The following RBMS1 variants were observed in gnomAD, a reference collection of about 807,000 sequenced individuals.
RBMS1 encodes the protein RNA binding motif single stranded interacting protein 1, also known as RNA-binding motif, single-stranded-interacting protein 1.
In RBMS1, 17 loss-of-function variants were observed where a neutral mutation model predicts 62.3. The observed-to-expected ratio is 0.27, with a 90% CI of 0.19 to 0.41. The LOEUF is 0.41. Ranked by LOEUF, RBMS1 falls within the 10% of genes least tolerant of loss-of-function variation. The pLI, the probability that RBMS1 is intolerant of heterozygous loss-of-function variation, is 1.00. For synonymous variants in RBMS1, 172 were observed against 170.0 expected (o/e 1.01, Z -0.09); for missense variants, 334 against 504.5 (o/e 0.66, Z 3.24).
At chr2:160,394,729 A>G (rs1035028590) in intron 1 of RBMS1, among the ~76,000 whole-genome samples, 17 of 152,224 alleles carry the variant, frequency 1.1e-4, no homozygotes, top group African/African-American at 2.2e-4. Context: ...CATAAAAGCA[A>G]TTCTGAAGTT....
chr2:160,460,145 G>A (rs1684402193), intron 1 of RBMS1, among the ~76,000 whole-genome samples: 3 of 152,186 alleles, frequency 2.0e-5, no homozygotes. Context: ...AGGCAATCAA[G>A]GTGAATGCCC....
At position 160,454,220 on chromosome 2, in the gene RBMS1, T is replaced by C. The variant is rs981607260; in HGVS notation, c.75+39069A>G. 6.6e-5 allele frequency among the ~76,000 whole-genome samples: 10 copies of C among 152,218 alleles called. 1 individual carries two copies. Among genetic ancestry groups the C allele is most frequent in the Admixed American group, 6.5e-4 (10 of 15,280 alleles). On this transcript the variant is annotated intron_variant, in intron 1 of 13. Coordinates refer to ENST00000348849, the MANE Select transcript of RBMS1 (RefSeq NM_016836.4). Reference sequence around the variant, plus strand: ...CTCATGAGAGGTAGACTGTTTAAACTAGACATAGAAAGGATGCAAGGACAA... The same window carrying C: ...CTCATGAGAGGTAGACTGTTTAAACCAGACATAGAAAGGATGCAAGGACAA...
intron 2 of RBMS1, among the ~76,000 whole-genome samples, chr2:160,353,191 TA>T (rs1342452118): frequency 6.6e-6 from 1 of 152,132 alleles, no homozygotes; most frequent in Non-Finnish European, 1.5e-5. Flanking sequence ...AATTTGTACT[TA>T]TAAAGCATAT....
At chr2:160,290,106 G>T (rs1688605346) in intron 6 of RBMS1, among the ~76,000 whole-genome samples, 1 of 140,324 alleles carries the variant, frequency 7.1e-6, no homozygotes. Context: ...CATTTGGCCA[G>T]CATCTCCTGT....
intron 2 of RBMS1, among the ~76,000 whole-genome samples, chr2:160,356,459 T>G (rs555688917): frequency 6.6e-6 from 1 of 152,022 alleles, no homozygotes; most frequent in Non-Finnish European, 1.5e-5. Flanking sequence ...AGGGTGCTGA[T>G]GAGGTAAAGA....
intron 1 of RBMS1, among the ~76,000 whole-genome samples, chr2:160,446,796 C>A (rs1683671042): frequency 6.6e-6 from 1 of 152,204 alleles, no homozygotes; most frequent in Admixed American, 6.5e-5. Context: ...GTTGACAGGG[C>A]TTTCCTCTCC....
At chr2:160,292,610 A>C (rs1227551765) in intron 6 of RBMS1, among the ~76,000 whole-genome samples, 2 of 152,246 alleles carry the variant, frequency 1.3e-5, no homozygotes, top group Non-Finnish European at 2.9e-5. Context: ...AATGTCTTTT[A>C]GAAAACTGTT....
chr2:160,419,493 C>T (rs1003721674), intron 1 of RBMS1, among the ~76,000 whole-genome samples: 1 of 152,148 alleles, frequency 6.6e-6, no homozygotes, highest in Non-Finnish European at 1.5e-5. Context: ...TCATATCATT[C>T]GTTTCATTCT....
intron 1 of RBMS1, among the ~76,000 whole-genome samples, chr2:160,462,294 C>T (rs1361501195): frequency 6.6e-6 from 1 of 152,200 alleles, no homozygotes; most frequent in Non-Finnish European, 1.5e-5. Flanking sequence ...TATAAGGACA[C>T]AATGCCTGCC....
chr2:160,405,353 G>A (rs762973569), intron 1 of RBMS1, among the ~76,000 whole-genome samples: 36 of 151,386 alleles, frequency 2.4e-4, no homozygotes, highest in African/African-American at 8.5e-4. Flanking sequence ...CCTAAAATCT[G>A]CCAATTCTTT....
In RBMS1 at chr2:160,438,991, G is replaced by A. The variant is rs1350568258; in HGVS notation, c.75+54298C>T. Among the ~76,000 whole-genome samples the A allele has an allele frequency of 6.5e-4, 96 of 148,782 alleles. 1 individual carries two copies. The highest frequency in any genetic ancestry group is 2.0e-3 in the African/African-American group (81 of 40,224). Reference sequence around the variant, plus strand: ...GGGCAGAGGCGCCCCTCACCTCCCGGACGGGGCGGCTGGCCAGGCGGGGGG... The same window carrying A: ...GGGCAGAGGCGCCCCTCACCTCCCGAACGGGGCGGCTGGCCAGGCGGGGGG... On this transcript the variant is annotated intron_variant, in intron 1 of 13. Coordinates refer to ENST00000348849, the MANE Select transcript of RBMS1 (RefSeq NM_016836.4).
intron 13 of RBMS1, 129 bp downstream of exon 13, chr2:160,275,501 A>C: frequency 7.1e-7 from 1 of 1,413,336 alleles, no homozygotes; most frequent in South Asian, 1.8e-5. Context: ...ACAAGACTAG[A>C]TGCCTTGGCC....
chr2:160,477,358 CA>C (rs200712687), intron 1 of RBMS1, among the ~76,000 whole-genome samples: 2 of 151,608 alleles, frequency 1.3e-5, no homozygotes, highest in South Asian at 2.1e-4. Context: ...ACAACAACAA[CA>C]AAAAAAAATT....
At chr2:160,340,008 C>T (rs763914365) in intron 2 of RBMS1, among the ~76,000 whole-genome samples, 24 of 152,126 alleles carry the variant, frequency 1.6e-4, no homozygotes, top group Non-Finnish European at 2.8e-4. Context: ...TTGTGTAGAC[C>T]TTAAAGGATC....
At chr2:160,399,525 CTTTTTT>C (rs33978215) in intron 1 of RBMS1, among the ~76,000 whole-genome samples, 101 of 149,464 alleles carry the variant, frequency 6.8e-4, no homozygotes, top group Non-Finnish European at 1.4e-3. Context: ...TTCCTGTATG[CTTTTTT>C]TTTTTTTAAA....
chr2:160,367,688 G>C (rs944695902), intron 1 of RBMS1, among the ~76,000 whole-genome samples: 8 of 152,068 alleles, frequency 5.3e-5, no homozygotes, highest in African/African-American at 1.9e-4. Flanking sequence ...GACTCAAAAC[G>C]TGCATGAAGT....
chr2:160,305,370 A>G (rs532712112), intron 4 of RBMS1, among the ~76,000 whole-genome samples: 23 of 152,228 alleles, frequency 1.5e-4, no homozygotes, highest in Admixed American at 7.2e-4. Flanking sequence ...TACCTTTTCT[A>G]TATTTAGATA....
chr2:160,281,453 T>C (rs895225072), intron 9 of RBMS1, 89 bp from the exon 10 acceptor site: 2 of 1,109,816 alleles, frequency 1.8e-6, no homozygotes, highest in African/African-American at 3.2e-5. Context: ...ATGTTAAAAA[T>C]CTACAGAAAG....
chr2:160,363,010 G>C (rs1693213676), intron 2 of RBMS1, among the ~76,000 whole-genome samples: 2 of 152,290 alleles, frequency 1.3e-5, no homozygotes, highest in Non-Finnish European at 1.5e-5. Context: ...TTCAAGGATG[G>C]AAGAAACAAG....
Sources: allele counts gnomAD v4.1 joint callset (sites outside exome capture counted in the v4.1 genomes callset), GRCh38; gene constraint gnomAD v4.1.1; transcripts MANE v1.5; gene names NCBI Gene and HGNC (gene_info 2026-07-23, HGNC 2026-07-21).